The following ACSL5 variants were observed in gnomAD, a reference collection of about 807,000 sequenced individuals.
ACSL5 encodes long-chain-fatty-acid--CoA ligase 5.
In ACSL5, 50 loss-of-function variants were observed where a neutral mutation model predicts 84.9. The ratio of observed to expected loss-of-function variants is 0.59; its 90% CI spans 0.47 to 0.75. The LOEUF (loss-of-function observed/expected upper bound fraction) is 0.75, where lower values mean the gene tolerates loss of function less well. Among genes scored for constraint, ACSL5 ranks in the 30% least tolerant of loss-of-function variants. The pLI, the probability that ACSL5 is intolerant of heterozygous loss-of-function variation, is 0.00. For synonymous variants in ACSL5, 280 were observed against 300.7 expected, an observed-to-expected ratio of 0.93 and a Z score of 0.71; for missense variants, 775 against 830.4, an observed-to-expected ratio of 0.93 and a Z score of 0.82.
rs1300802085 is a variant in ACSL5, at chr10:112,409,577, C to T, written c.603C>T (p.Gly201=). The T allele has an allele frequency of 6.2e-7, 1 of 1,614,110 alleles. No individual in the cohort carries two copies. Among genetic ancestry groups the T allele is most frequent in the Non-Finnish European group, 8.5e-7 (1 of 1,180,010 alleles). ...ALVLIGNVEK[G]FTPSLKVIIL... The stretch of plus-strand genomic sequence containing the variant: ...TGCTGATAGGGAATGTAGAGAAAGG[C>T]TTCACCCCGAGCCTGAAGGTGATCA... The change falls in exon 7 of 21, where the codon GGC becomes GGT. Residue 201 remains glycine, a synonymous_variant. Coordinates refer to ENST00000354655, the MANE Select transcript of ACSL5 (RefSeq NM_203379.2).
chr10:112,422,851 CAAAA>C (rs527977518), intron 17 of ACSL5, among the ~76,000 whole-genome samples: 3 of 56,656 alleles, frequency 5.3e-5, no homozygotes, highest in Non-Finnish European at 3.7e-5. Flanking sequence ...GACTCTGTCT[CAAAA>C]AAAAAAAAAA....
At chr10:112,411,008 C>A in intron 9 of ACSL5, among the ~76,000 whole-genome samples, 1 of 152,074 alleles carries the variant, frequency 6.6e-6, no homozygotes, top group East Asian at 1.9e-4. Flanking sequence ...CTACATCCAC[C>A]CATCTGTTAG....
In ACSL5 at chr10:112,426,302, C is replaced by T; in HGVS notation, c.1782C>T (p.Pro594=). The change falls in exon 19 of 21, where the codon CCC becomes CCT. Residue 594 remains proline (P), a synonymous_variant. Transcript: ENST00000354655. The part of the protein sequence containing the change: ...GVVVPDTDVL[P]SFAAKLGVKG... The stretch of plus-strand genomic sequence containing the variant: ...TGGTTCCTGACACAGATGTACTTCC[C>T]TCATTTGCAGCCAAGCTTGGGGTGA... The T allele has an allele frequency of 6.2e-7, 1 of 1,614,094 alleles. No homozygotes were observed.
chr10:112,415,085 T>G (rs182190302), intron 12 of ACSL5, among the ~76,000 whole-genome samples: 3 of 152,364 alleles, frequency 2.0e-5, no homozygotes, highest in Admixed American at 1.3e-4. Context: ...ATTTGGTGGT[T>G]GTTATGGTTT....
Position 112,404,699 on chromosome 10 carries a change from T to C in ACSL5, c.331-6T>C. The C allele has an allele frequency of 6.2e-7, 1 of 1,613,076 alleles. No individual in the cohort carries two copies. The highest frequency in any genetic ancestry group is 8.5e-7 in the Non-Finnish European group (1 of 1,179,242). On this transcript the variant is annotated splice_region_variant and splice_polypyrimidine_tract_variant and intron_variant, in intron 4 of 20. Transcript: ENST00000354655. ...CTCTCTCTCACCCCATCTCTCTTTT[T>C]TGTAGGTGTCTGATAGAGCAGAGTA...
chr10:112,413,030 A>T (rs1844220485), intron 11 of ACSL5, 143 bp from the exon 12 acceptor site: 2 of 803,048 alleles, frequency 2.5e-6, no homozygotes, highest in South Asian at 1.7e-5. Flanking sequence ...TGTGTGCCTC[A>T]GCCCACTTCC....
At chr10:112,377,450 C>G (rs1355704784) in intron 1 of ACSL5, among the ~76,000 whole-genome samples, 1 of 152,156 alleles carries the variant, frequency 6.6e-6, no homozygotes, top group African/African-American at 2.4e-5. Flanking sequence ...AGGACAATTG[C>G]TTGAACCTAG....
At chr10:112,385,428 T>C (rs961243892) in intron 1 of ACSL5, among the ~76,000 whole-genome samples, 5 of 152,214 alleles carry the variant, frequency 3.3e-5, no homozygotes, top group African/African-American at 1.2e-4. Flanking sequence ...ATACATTTTA[T>C]GATGTGTAGA....
At chr10:112,409,325 A>T in intron 6 of ACSL5, 182 bp from the exon 7 acceptor site, 1 of 576,438 alleles carries the variant, frequency 1.7e-6, no homozygotes, top group African/African-American at 1.9e-5. Flanking sequence ...CTTCTGTTTC[A>T]GTTAAGTTCA....
intron 1 of ACSL5, among the ~76,000 whole-genome samples, chr10:112,392,636 G>C: frequency 6.6e-6 from 1 of 152,006 alleles, no homozygotes; most frequent in East Asian, 1.9e-4. Flanking sequence ...AGCTACTTGG[G>C]AGGCTGAGGC....
chr10:112,401,631 G>A (rs996290678), intron 3 of ACSL5, among the ~76,000 whole-genome samples: 1 of 152,238 alleles, frequency 6.6e-6, no homozygotes, highest in Non-Finnish European at 1.5e-5. Flanking sequence ...AGAGTTTAAT[G>A]AGACCTGAGT....
chr10:112,398,467 C>T (rs992055275), intron 2 of ACSL5, among the ~76,000 whole-genome samples: 1 of 151,550 alleles, frequency 6.6e-6, no homozygotes, highest in Non-Finnish European at 1.5e-5. Flanking sequence ...TGCAGTGGCG[C>T]GATCTTGCCT....
At position 112,417,410 on chromosome 10, in the gene ACSL5, G is replaced by C. The variant is rs540151354; in HGVS notation, c.1218+388G>C. 2.0e-5 allele frequency among the ~76,000 whole-genome samples: 3 copies of C among 151,900 alleles called. No homozygotes were observed. The East Asian group carries it at 5.8e-4, about 30-fold the overall frequency. ...CCCAGCTACATGGGAGGCTGAGGCA[G>C]GATAATCGCTTGAACCCAGGAGGTG... On this transcript the variant is annotated intron_variant, in intron 13 of 20. Transcript: ENST00000354655.
chr10:112,377,010 CA>C (rs1849254042), intron 1 of ACSL5, among the ~76,000 whole-genome samples: 1 of 85,606 alleles, frequency 1.2e-5, no homozygotes, highest in Non-Finnish European at 2.7e-5. Flanking sequence ...TGGAGACCCT[CA>C]GGGAATAAGC....
chr10:112,418,311 G>T (rs931300191), intron 14 of ACSL5, among the ~76,000 whole-genome samples: 2 of 152,144 alleles, frequency 1.3e-5, no homozygotes, highest in African/African-American at 4.8e-5. Context: ...GCCGGGCATG[G>T]TGGCTCATGC....
At position 112,394,934 on chromosome 10, in the gene ACSL5, G is replaced by C. The variant is rs751175224; in HGVS notation, c.-13G>C. On this transcript the variant is annotated 5_prime_UTR_variant, in exon 2 of 21. Coordinates refer to ENST00000354655, the MANE Select transcript of ACSL5 (RefSeq NM_203379.2). ...TTTTTTAAGGTCTGAATTTCCTGCT[G>C]CTGTTCACAAAGATGCTTTTTATCT... The C allele has an allele frequency of 4.3e-6, 7 of 1,612,464 alleles. No individual in the cohort carries two copies. The African/African-American group carries it at 5.4e-5, about 12-fold the overall frequency.
rs1175582315 is a variant in ACSL5, at chr10:112,426,357, CAAGT to C, written c.1839+3_1839+6del. The C allele has an allele frequency of 5.0e-6, 8 of 1,613,656 alleles. No homozygotes were observed. Among genetic ancestry groups the C allele is most frequent in the Non-Finnish European group, 5.9e-6 (7 of 1,179,690 alleles). ...CTCCTTTGAGGAACTGTGCCAAAAC[CAAGT>C]AAGTCTTGCCTAGGAAAGCTTTATG... On this transcript the variant is annotated splice_donor_variant and coding_sequence_variant, in exon 19 of 21. Transcript: ENST00000354655. LOFTEE classifies it high-confidence loss of function.
At chr10:112,417,194 G>A (rs1217159866) in intron 13 of ACSL5, among the ~76,000 whole-genome samples, 172 bp downstream of exon 13, 1 of 30,274 alleles carries the variant, frequency 3.3e-5, no homozygotes, top group African/African-American at 1.1e-4. Flanking sequence ...ACTAAAGGGA[G>A]TAGGTTTAAA....
intron 17 of ACSL5, among the ~76,000 whole-genome samples, chr10:112,423,805 T>C (rs765749783): frequency 4.6e-5 from 7 of 152,020 alleles, no homozygotes; most frequent in Non-Finnish European, 1.0e-4. Flanking sequence ...CCTTTTTTTT[T>C]CCCCCTTAAC....
Sources: gnomAD v4.1 joint callset for allele counts (sites outside exome capture counted in the v4.1 genomes callset) on GRCh38, gnomAD v4.1.1 for gene constraint, MANE v1.5 for transcripts, NCBI Gene and HGNC (gene_info 2026-07-23, HGNC 2026-07-21) for gene names.